Variants in NHSL1 observed in about 807,000 individuals in gnomAD.
The protein encoded by NHSL1 is NHS-like protein 1.
NHSL1 carries 48 observed loss-of-function variants against 95.0 expected under a neutral mutation model. The ratio of observed to expected loss-of-function variants is 0.51; its 90% CI spans 0.40 to 0.64. NHSL1 has a LOEUF of 0.64. Ranked by LOEUF, NHSL1 falls within the 30% of genes least tolerant of loss-of-function variation. The pLI, the probability that NHSL1 is intolerant of heterozygous loss-of-function variation, is 0.00. For synonymous variants in NHSL1, 783 were observed against 833.9 expected, an observed-to-expected ratio of 0.94 and a Z score of 1.05; for missense variants, 1,971 against 2,077.7, an observed-to-expected ratio of 0.95 and a Z score of 1.00.
rs1783872817 is a variant in NHSL1, at chr6:138,572,392, GAA to G, written c.-483_-482del. 2.6e-5 allele frequency: 4 copies of G among 153,806 alleles called. No individual in the cohort carries two copies. In the Admixed American group the frequency reaches 2.6e-4, roughly 10 times the overall value. The allele number at this position is 153,806 out of a possible 1,614,324, so 9.5% of individuals were successfully genotyped here. On this transcript the variant is annotated 5_prime_UTR_variant, in exon 1 of 7. Transcript: ENST00000427025. ...TGGTGAAGTAACTCCTCACCCTAGA[GAA>G]AAAGAGTCAGGGTCAAGCCAGGCAC...
At chr6:138,511,870 C>T (rs1249895896) in intron 1 of NHSL1, among the ~76,000 whole-genome samples, 9 of 152,014 alleles carry the variant, frequency 5.9e-5, no homozygotes, top group African/African-American at 1.7e-4. Context: ...ATTGCTCCAC[C>T]GCACTCCAGC....
chr6:138,473,840 A>G (rs1778904050), intron 2 of NHSL1, among the ~76,000 whole-genome samples: 2 of 150,230 alleles, frequency 1.3e-5, no homozygotes, highest in South Asian at 2.1e-4. Context: ...ATATTATTCC[A>G]CATAAAAAAA....
rs753610282 is a variant in NHSL1 at position 138,424,655 on chromosome 6, C to T, written c.4247G>A (p.Ser1416Asn). Reference protein sequence around the residue: ...QRSIRKSSTSSDNFKALLLKK... With the variant: ...QRSIRKSSTSNDNFKALLLKK... ...CAGCAGCAGAGCTTTGAAGTTGTCA[C>T]TGCTGGTGCTGCTCTTTCGGATGCT... The change falls in exon 8 of 8, where the codon AGT (serine) becomes AAT (asparagine). Residue 1416 changes from serine to asparagine, a missense_variant. By Grantham distance (46) the Ser-to-Asn change is conservative. Coordinates refer to ENST00000343505, the MANE Select transcript of NHSL1 (RefSeq NM_001144060.2). This position sits in a 1 kb window ranked among gnomAD's most constrained non-coding sequence, Gnocchi z 5.9. 8 of 1,551,628 alleles carry T rather than the reference C, an allele frequency of 5.2e-6. No homozygotes were observed. In the South Asian group the frequency reaches 7.1e-5, roughly 14 times the overall value.
At chr6:138,643,413 C>T (rs1443061404) in intron 1 of NHSL1, among the ~76,000 whole-genome samples, 1 of 152,164 alleles carries the variant, frequency 6.6e-6, no homozygotes, top group Non-Finnish European at 1.5e-5. Context: ...CCATAGTTCA[C>T]ATTAGGGTTC....
chr6:138,436,252 A>G (rs556111007), intron 5 of NHSL1, among the ~76,000 whole-genome samples: 44 of 152,342 alleles, frequency 2.9e-4, no homozygotes, highest in African/African-American at 1.0e-3. Context: ...CAAACAGTTA[A>G]CCGAGCTGTG....
Position 138,473,391 on chromosome 6 carries a change from T to C in NHSL1, c.254A>G (p.Tyr85Cys). The C allele has an allele frequency of 6.5e-7, 1 of 1,541,530 alleles. No individual in the cohort carries two copies. ...CGCAAAGGTGGGTCCCTGAGAGTAG[T>C]ACTGAGAACTGCGGTAGCCATCATG... Reference protein sequence around the residue: ...LRHDGYRSSQYYSQGPTFAAN... With the variant: ...LRHDGYRSSQCYSQGPTFAAN... Residue 85 changes from tyrosine (Y) to cysteine (C), a missense_variant, in exon 3 of 8, where the codon TAC becomes TGC. Coordinates refer to ENST00000343505, the MANE Select transcript of NHSL1 (RefSeq NM_001144060.2).
chr6:138,580,288 G>A (rs576433711), intron 1 of NHSL1, among the ~76,000 whole-genome samples: 1 of 152,298 alleles, frequency 6.6e-6, no homozygotes, highest in East Asian at 1.9e-4. Context: ...CTCCCCTAGA[G>A]GAGTATAAAA....
intron 2 of NHSL1, among the ~76,000 whole-genome samples, chr6:138,492,992 A>ATT (rs58499992): frequency 4.0e-5 from 6 of 151,706 alleles, no homozygotes; most frequent in Middle Eastern, 3.2e-3. Context: ...TCAGAGACTG[A>ATT]TTTTTTTTAA....
At chr6:138,458,626 A>G (rs1466504068) in intron 3 of NHSL1, among the ~76,000 whole-genome samples, 5 of 152,176 alleles carry the variant, frequency 3.3e-5, no homozygotes, top group South Asian at 4.1e-4. Context: ...CAGGAGATCG[A>G]GACCATCCTG....
At chr6:138,691,324 A>G (rs937145987) in intron 1 of NHSL1, among the ~76,000 whole-genome samples, 5 of 152,216 alleles carry the variant, frequency 3.3e-5, no homozygotes, top group Admixed American at 1.3e-4. Flanking sequence ...GAACGCAAAA[A>G]TGTAAAACTG....
At chr6:138,613,784 G>A (rs1254875291) in intron 1 of NHSL1, among the ~76,000 whole-genome samples, 7 of 152,184 alleles carry the variant, frequency 4.6e-5, no homozygotes, top group Non-Finnish European at 7.3e-5. Context: ...GAGGGGAAGC[G>A]AATTAGGCTG....
chr6:138,432,755 G>T lies in NHSL1; in HGVS notation c.1590C>A (p.Pro530=). 1 of 1,551,620 alleles carries T rather than the reference G, an allele frequency of 6.4e-7. No homozygotes were observed. Among genetic ancestry groups the T allele is most frequent in the Non-Finnish European group, 8.7e-7 (1 of 1,146,920 alleles). ...CRNNLAFPAH[P]QDVDGKSESS... is the part of the protein sequence containing the mutation. ...ATTCACTCTTGCCATCCACATCTTG[G>T]GGGTGGGCTGGGAAGGCCAGGTTGT... is the stretch of plus-strand genomic sequence containing the variant. The change falls in exon 6 of 8, where the codon CCC becomes CCA. Residue 530 remains proline (P), a synonymous_variant. Coordinates refer to ENST00000343505, the MANE Select transcript of NHSL1 (RefSeq NM_001144060.2). The surrounding 1 kb of genome is among the most constrained non-coding windows in gnomAD (Gnocchi z 4.4).
upstream of NHSL1, among the ~76,000 whole-genome samples, chr6:138,692,785 G>GA: frequency 6.6e-6 from 1 of 150,834 alleles, no homozygotes; most frequent in South Asian, 2.1e-4. The surrounding 1 kb of genome is among the most constrained non-coding windows in gnomAD (Gnocchi z 4.0). Context: ...GGCCGGCGGC[G>GA]CGGGATCCCT....
At chr6:138,558,036 A>G (rs1157837639) in intron 1 of NHSL1, among the ~76,000 whole-genome samples, 2 of 152,264 alleles carry the variant, frequency 1.3e-5, no homozygotes, top group Non-Finnish European at 2.9e-5. Context: ...AGTAAAAGGC[A>G]TACTTCTCTA....
chr6:138,437,208 A>C (rs1227954194), intron 5 of NHSL1, among the ~76,000 whole-genome samples: 1 of 150,264 alleles, frequency 6.7e-6, no homozygotes, highest in East Asian at 1.9e-4. Context: ...CAGGAGGCGG[A>C]GGTTGCAGTG....
chr6:138,654,509 A>G (rs1301589692), intron 1 of NHSL1, among the ~76,000 whole-genome samples: 1 of 152,222 alleles, frequency 6.6e-6, no homozygotes, highest in African/African-American at 2.4e-5. Flanking sequence ...TTAAGGTACA[A>G]TCATATTTTT....
chr6:138,424,071 G>A lies in NHSL1; in HGVS notation c.*10C>T, dbSNP rs1454568310. 2 of 1,364,968 alleles carry A rather than the reference G, an allele frequency of 1.5e-6. No homozygotes were observed. Among genetic ancestry groups the A allele is most frequent in the Admixed American group, 6.4e-5 (2 of 31,034 alleles). 84.6% of individuals were successfully genotyped at this position (1,364,968 alleles called of 1,614,324 possible). On this transcript the variant is annotated 3_prime_UTR_variant, in exon 8 of 8. Coordinates refer to ENST00000343505, the MANE Select transcript of NHSL1 (RefSeq NM_001144060.2). The surrounding 1 kb of genome is among the most constrained non-coding windows in gnomAD (Gnocchi z 5.9). Reference sequence around the variant, plus strand: ...CCCCCGTGTCACCTGGGAGAGTTACGTTCTTGGCCCTAACTCTCCTCGCTC... The same window carrying A: ...CCCCCGTGTCACCTGGGAGAGTTACATTCTTGGCCCTAACTCTCCTCGCTC...
chr6:138,603,015 A>T (rs1189695426), intron 1 of NHSL1, among the ~76,000 whole-genome samples: 1 of 152,236 alleles, frequency 6.6e-6, no homozygotes, highest in East Asian at 1.9e-4. Context: ...AAATTACATT[A>T]TAAACAAAAA....
chr6:138,615,510 G>A (rs532030280), intron 1 of NHSL1, among the ~76,000 whole-genome samples: 22 of 152,280 alleles, frequency 1.4e-4, no homozygotes, highest in Admixed American at 7.8e-4. Flanking sequence ...TCGCTCTGTC[G>A]CCCAGGGTGG....
Sources: allele counts gnomAD v4.1 joint callset (sites outside exome capture counted in the v4.1 genomes callset), GRCh38; gene constraint gnomAD v4.1.1; non-coding constraint Gnocchi (gnomAD v3.1); transcripts MANE v1.5; gene names NCBI Gene and HGNC (gene_info 2026-07-23, HGNC 2026-07-21).